The following ZNF687 variants were observed in gnomAD, a reference collection of about 807,000 sequenced individuals.
ZNF687 encodes the protein zinc finger protein 687.
A neutral mutation model predicts 71.8 loss-of-function variants in ZNF687; 13 were observed. The observed-to-expected ratio is 0.18, with a 90% CI of 0.12 to 0.29. The LOEUF is 0.29. Among genes scored for constraint, ZNF687 ranks in the 10% least tolerant of loss-of-function variants. The pLI is 1.00. For synonymous variants in ZNF687, 673 were observed against 641.6 expected (o/e 1.05, Z -0.74); for missense variants, 1,412 against 1,625.6 (o/e 0.87, Z 2.26).
intron 1 of ZNF687, among the ~76,000 whole-genome samples, chr1:151,284,917 C>T (rs1391472749): frequency 6.8e-6 from 1 of 147,988 alleles, no homozygotes; most frequent in East Asian, 2.0e-4. Context: ...TCAGGGGATC[C>T]TCCCATGTCA....
chr1:151,281,900 A>G, upstream of ZNF687: 2 of 672,718 alleles, frequency 3.0e-6, no homozygotes, highest in Non-Finnish European at 4.4e-6. Flanking sequence ...AGTGAACTGC[A>G]GCTTCAAGCT....
Position 151,288,357 on chromosome 1 carries a change from C to A in ZNF687, c.2066C>A (p.Ala689Glu). ...KEQCRDKAGM[A>E]AHFQQLGPPA... ...CAGTGCCGGGACAAGGCTGGCATGG[C>A]AGCTCACTTCCAGCAGCTCGGCCCC... Residue 689 changes from alanine (A) to glutamate (E), a missense_variant, in exon 2 of 9, where the codon GCA (alanine) becomes GAA (glutamate). Ala to Glu is a moderately radical substitution (Grantham distance 107). This residue lies in a region of ZNF687 where 207 missense variants were observed against 239.2 expected (regional missense o/e 0.87). Transcript: ENST00000336715. The A allele has an allele frequency of 6.2e-7, 1 of 1,609,752 alleles. No homozygotes were observed.
At position 151,288,725 on chromosome 1, in the gene ZNF687, C is replaced by T; in HGVS notation, c.2294+19C>T. ...GATACAGGTGCCTCGGACCCTTCCT[C>T]CATAGAACTGTAGGGTTTCGTGTGT... On this transcript the variant is annotated intron_variant, in intron 3 of 8. Transcript: ENST00000336715. 6.2e-7 allele frequency: 1 copy of T among 1,600,350 alleles called. No individual in the cohort carries two copies. Among genetic ancestry groups the T allele is most frequent in the Non-Finnish European group, 8.5e-7 (1 of 1,172,112 alleles).
chr1:151,287,782 G>A lies in ZNF687; in HGVS notation c.1491G>A (p.Leu497=). ...GTVISRTQSS[L]VEAFNKILNS... is the part of the protein sequence containing the mutation. ...TGATATCACGGACCCAGTCCAGCCT[G>A]GTGGAGGCCTTCAACAAGATCCTCA... is the stretch of plus-strand genomic sequence containing the variant. The change falls in exon 2 of 9, where the codon CTG becomes CTA. Residue 497 remains leucine (L), a synonymous_variant. Transcript: ENST00000336715. This position sits in a 1 kb window ranked among gnomAD's most constrained non-coding sequence, Gnocchi z 5.0. The A allele has an allele frequency of 6.2e-7, 1 of 1,614,102 alleles. No homozygotes were observed. Among genetic ancestry groups the A allele is most frequent in the African/African-American group, 1.3e-5 (1 of 75,026 alleles).
Position 151,289,467 on chromosome 1 carries a change from G to A in ZNF687, c.2561G>A (p.Arg854His). Reference protein sequence around the residue: ...SHFDQHLLPQRVSVFKCPSCP... With the variant: ...SHFDQHLLPQHVSVFKCPSCP... ...TTCGACCAGCACTTGCTGCCCCAGC[G>A]TGTCAGTGTCTTTAAGTGCCCGTCT... is the stretch of plus-strand genomic sequence containing the variant. The change falls in exon 5 of 9, where the codon CGT (arginine) becomes CAT (histidine). Residue 854 changes from arginine to histidine, a missense_variant. Transcript: ENST00000336715. The A allele has an allele frequency of 4.3e-6, 7 of 1,614,150 alleles. No homozygotes were observed. The highest frequency in any genetic ancestry group is 5.9e-6 in the Non-Finnish European group (7 of 1,180,054).
At chr1:151,283,157 G>A in intron 1 of ZNF687, 2 of 985,410 alleles carry the variant, frequency 2.0e-6, no homozygotes, top group Non-Finnish European at 2.4e-6. Flanking sequence ...AGTTTCTCAT[G>A]TGTACACCCC....
At position 151,289,757 on chromosome 1, in the gene ZNF687, C is replaced by T; in HGVS notation, c.2714C>T (p.Pro905Leu). The change falls in exon 6 of 9, where the codon CCT becomes CTT. Residue 905 changes from proline to leucine, a missense_variant. Physicochemically the swap from Pro to Leu is moderately conservative, Grantham distance 98. Coordinates refer to ENST00000336715, the MANE Select transcript of ZNF687 (RefSeq NM_020832.3). ...GGALLTPKTE[P>L]EELAVSQGGA... Reference sequence around the variant, plus strand: ...GCCCTGCTGACCCCCAAGACTGAGCCTGAGGAGCTGGCTGTTTCTCAGGGA... The same window carrying T: ...GCCCTGCTGACCCCCAAGACTGAGCTTGAGGAGCTGGCTGTTTCTCAGGGA... The T allele has an allele frequency of 1.9e-6, 3 of 1,559,888 alleles. No individual in the cohort carries two copies. The highest frequency in any genetic ancestry group is 1.7e-6 in the Non-Finnish European group (2 of 1,151,310).
Position 151,286,518 on chromosome 1 carries a change from C to T in ZNF687, c.227C>T (p.Pro76Leu), listed in dbSNP as rs142824299. 1.9e-5 allele frequency: 31 copies of T among 1,614,070 alleles called. No homozygotes were observed. Among genetic ancestry groups the T allele is most frequent in the African/African-American group, 1.7e-4 (13 of 74,934 alleles). Residue 76 changes from proline to leucine, a missense_variant, in exon 2 of 9, where the codon CCG becomes CTG. By Grantham distance (98) the Pro-to-Leu change is moderately conservative (BLOSUM62 -3). Coordinates refer to ENST00000336715, the MANE Select transcript of ZNF687 (RefSeq NM_020832.3). The part of the protein sequence containing the change: ...PAQASDHGLP[P>L]PDISVVSVIV... ...CAGGCCTCTGACCATGGCCTGCCAC[C>T]GCCAGACATTTCTGTAGTCAGTGTC...
chr1:151,282,230 A>G, upstream of ZNF687: 1 of 1,033,178 alleles, frequency 9.7e-7, no homozygotes. Context: ...GGCGAGTGCG[A>G]AAACGGGCAG....
At position 151,282,440 on chromosome 1, in the gene ZNF687, TG is replaced by T. The variant is rs371688617; in HGVS notation, c.-18+53del. 1,573 of 978,112 alleles carry T rather than the reference TG, an allele frequency of 1.6e-3. 22 individuals carry two copies. The South Asian group carries it at 0.042, about 26-fold the overall frequency. The allele number at this position is 978,112 out of a possible 1,614,324, so 60.6% of individuals were successfully genotyped here. ...ATACCCGCCCTTGGCTCCGCCCCCT[TG>T]GGGGGGGCGGGTAAATACCCCCGCC... On this transcript the variant is annotated intron_variant, in intron 1 of 8. Coordinates refer to ENST00000336715, the MANE Select transcript of ZNF687 (RefSeq NM_020832.3).
Position 151,287,173 on chromosome 1 carries a change from G to A in ZNF687, c.882G>A (p.Val294=). The A allele has an allele frequency of 6.2e-7, 1 of 1,614,150 alleles. No homozygotes were observed. ...LKEEDDDEGP[V]DKSSPGSPQS... is the part of the protein sequence containing the mutation. ...AAGAAGATGATGATGAGGGGCCAGT[G>A]GACAAGTCTTCCCCAGGAAGTCCCC... The change falls in exon 2 of 9, where the codon GTG becomes GTA. Residue 294 remains valine (V), a synonymous_variant. Transcript: ENST00000336715. This position sits in a 1 kb window ranked among gnomAD's most constrained non-coding sequence, Gnocchi z 5.0.
At chr1:151,281,659 T>C, upstream of ZNF687, 1 of 466,930 alleles carries the variant, frequency 2.1e-6, no homozygotes, top group Middle Eastern at 3.3e-4. Flanking sequence ...GAGGACCCCA[T>C]CCATCAGATT....
intron 1 of ZNF687, among the ~76,000 whole-genome samples, chr1:151,282,675 CG>C (rs1693766685): frequency 6.6e-6 from 1 of 152,042 alleles, no homozygotes; most frequent in Non-Finnish European, 1.5e-5. Flanking sequence ...AAGTGCGGCC[CG>C]GAGATTGAAG....
At position 151,290,909 on chromosome 1, in the gene ZNF687, C is replaced by T. The variant is rs762803055; in HGVS notation, c.3414C>T (p.Leu1138=). 7 of 1,613,922 alleles carry T rather than the reference C, an allele frequency of 4.3e-6. No individual in the cohort carries two copies. In the Admixed American group the frequency reaches 5.0e-5, roughly 12 times the overall value. Residue 1138 remains leucine (L), a synonymous_variant, in exon 9 of 9, where the codon CTC becomes CTT. Coordinates refer to ENST00000336715, the MANE Select transcript of ZNF687 (RefSeq NM_020832.3). ...TGGAGGATGGTGCCCAGCAGTGCCT[C>T]GACTGTGGCTTGTGCTTTGCCTCCC... ...LRVEDGAQQC[L]DCGLCFASPG... is the part of the protein sequence containing the mutation.
chr1:151,286,289 G>T lies in ZNF687; in HGVS notation c.-3G>T. 1 of 1,548,106 alleles carries T rather than the reference G, an allele frequency of 6.5e-7. No homozygotes were observed. The highest frequency in any genetic ancestry group is 8.7e-7 in the Non-Finnish European group (1 of 1,150,772). On this transcript the variant is annotated 5_prime_UTR_variant, in exon 2 of 9. Transcript: ENST00000336715. ...GTTTTCATCAGGTCTGGGATCTGCCGATATGGGGGATATGAAGACCCCTGA... is the reference window on the plus strand; with the variant it reads ...GTTTTCATCAGGTCTGGGATCTGCCTATATGGGGGATATGAAGACCCCTGA...
rs1693940967 is a variant in ZNF687, at chr1:151,286,255, C to T, written c.-17-20C>T. 6.6e-7 allele frequency: 1 copy of T among 1,514,968 alleles called. No individual in the cohort carries two copies. Among genetic ancestry groups the T allele is most frequent in the Non-Finnish European group, 8.8e-7 (1 of 1,131,900 alleles). The allele number at this position is 1,514,968 out of a possible 1,614,324, so 93.8% of individuals were successfully genotyped here. A position where few individuals can be genotyped will look rare whatever the true frequency, so the allele number is the denominator to read the frequency against. On this transcript the variant is annotated intron_variant, in intron 1 of 8. Coordinates refer to ENST00000336715, the MANE Select transcript of ZNF687 (RefSeq NM_020832.3). ...CTTCTAGACATCTCAGTTTCTCCTC[C>T]TCGTTCCTGTTTTCATCAGGTCTGG...
rs777392940 is a variant in ZNF687, at chr1:151,288,360, C to T, written c.2069C>T (p.Ala690Val). 6.2e-7 allele frequency: 1 copy of T among 1,609,614 alleles called. No individual in the cohort carries two copies. The highest frequency in any genetic ancestry group is 2.2e-5 in the East Asian group (1 of 44,868). Reference protein sequence around the residue: ...EQCRDKAGMAAHFQQLGPPAP... With the variant: ...EQCRDKAGMAVHFQQLGPPAP... ...TGCCGGGACAAGGCTGGCATGGCAG[C>T]TCACTTCCAGCAGCTCGGCCCCCCT... Residue 690 changes from alanine to valine, a missense_variant, in exon 2 of 9, where the codon GCT becomes GTT. By Grantham distance (64) the Ala-to-Val change is moderately conservative (BLOSUM62 0). Coordinates refer to ENST00000336715, the MANE Select transcript of ZNF687 (RefSeq NM_020832.3).
chr1:151,281,565 T>A (rs3811406), upstream of ZNF687: 2 of 470,944 alleles, frequency 4.2e-6, no homozygotes, highest in Non-Finnish European at 8.8e-6. Context: ...ATTCCTTCCA[T>A]GCTCCAAATC....
At chr1:151,284,324 A>AG in intron 1 of ZNF687, 1 of 948,800 alleles carries the variant, frequency 1.1e-6, no homozygotes, top group Non-Finnish European at 1.3e-6. Context: ...TGGAGAAGGA[A>AG]GGGCTGGCTA....
Sources: gnomAD v4.1 joint callset for allele counts (sites outside exome capture counted in the v4.1 genomes callset) on GRCh38, gnomAD v4.1.1 for gene constraint, gnomAD v4.1.1 regional missense constraint, Gnocchi (gnomAD v3.1) non-coding constraint, MANE v1.5 for transcripts, NCBI Gene and HGNC (gene_info 2026-07-23, HGNC 2026-07-21) for gene names.